Variants in CBFA2T2 observed in about 807,000 individuals in gnomAD.
CBFA2T2 encodes the protein CBFA2/RUNX1 partner transcriptional co-repressor 2.
CBFA2T2 carries 11 observed loss-of-function variants against 62.2 expected under a neutral mutation model. That is an observed-to-expected ratio of 0.18 (90% CI 0.11 to 0.29). CBFA2T2 has a LOEUF of 0.29. Ranked by LOEUF, CBFA2T2 falls within the 10% of genes least tolerant of loss-of-function variation. The pLI, the probability that CBFA2T2 is intolerant of heterozygous loss-of-function variation, is 1.00. For synonymous variants in CBFA2T2, 295 were observed against 287.5 expected (o/e 1.03, Z -0.27); for missense variants, 592 against 774.1 (o/e 0.76, Z 2.79).
chr20:33,504,388 T>A (rs1477889635), intron 1 of CBFA2T2, among the ~76,000 whole-genome samples: 1 of 151,140 alleles, frequency 6.6e-6, no homozygotes, highest in African/African-American at 2.4e-5. Context: ...GGTTCTATGA[T>A]AATTTCATAT....
rs373964050 is a variant in CBFA2T2 at position 33,567,577 on chromosome 20, C to CT, written c.35-39362dup. 7.0e-3 allele frequency among the ~76,000 whole-genome samples: 969 copies of CT among 138,972 alleles called. 8 individuals carry two copies. The highest frequency in any genetic ancestry group is 0.018 in the African/African-American group (685 of 38,002). 91.2% of individuals were successfully genotyped at this position (138,972 alleles called of 152,430 possible). ...TACTGTGCCTACTTTGTAAATTAAA[C>CT]TTTTTTTTTTTTTTTTTAATTTGAG... On this transcript the variant is annotated intron_variant, in intron 1 of 10. Coordinates refer to ENST00000342704, the MANE Select transcript of CBFA2T2 (RefSeq NM_001032999.3).
At chr20:33,620,290 A>G (rs1315263931) in intron 4 of CBFA2T2, among the ~76,000 whole-genome samples, 1 of 151,870 alleles carries the variant, frequency 6.6e-6, no homozygotes, top group Non-Finnish European at 1.5e-5. Flanking sequence ...GGTGGATTGC[A>G]TGAGCTCAGG....
chr20:33,490,662 C>G (rs1043910890), intron 1 of CBFA2T2, among the ~76,000 whole-genome samples: 1 of 152,190 alleles, frequency 6.6e-6, no homozygotes, highest in Non-Finnish European at 1.5e-5. Context: ...TACACCCGCC[C>G]GATGTTGAGG....
chr20:33,604,338 G>T (rs932709723), intron 1 of CBFA2T2, among the ~76,000 whole-genome samples: 1 of 152,124 alleles, frequency 6.6e-6, no homozygotes, highest in Non-Finnish European at 1.5e-5. Context: ...TTCCTGACAG[G>T]TAGGTCTTAC....
At chr20:33,545,632 A>C (rs2012542471) in intron 1 of CBFA2T2, among the ~76,000 whole-genome samples, 1 of 152,108 alleles carries the variant, frequency 6.6e-6, no homozygotes, top group African/African-American at 2.4e-5. Flanking sequence ...ATTTCACTAG[A>C]GATGGGCTTC....
chr20:33,490,294 CT>C lies in CBFA2T2; in HGVS notation c.29del (p.Phe10SerfsTer19). MVGVPGAAA[F>X]QLGPEKRVPA... ...TGGTAGGCGTCCCTGGAGCGGCCGC[CT>C]TCCAGCGTAAGTGGGGCGTGAATGC... On this transcript the variant is annotated frameshift_variant, in exon 1 of 11. Coordinates refer to ENST00000342704, the MANE Select transcript of CBFA2T2 (RefSeq NM_001032999.3). LOFTEE classifies it high-confidence loss of function. The C allele has an allele frequency of 7.8e-7, 1 of 1,275,514 alleles. No homozygotes were observed. Among genetic ancestry groups the C allele is most frequent in the Non-Finnish European group, 9.9e-7 (1 of 1,012,272 alleles). The allele number at this position is 1,275,514 out of a possible 1,614,324, so 79.0% of individuals were successfully genotyped here.
At position 33,516,197 on chromosome 20, in the gene CBFA2T2, T is replaced by C. The variant is rs116990728; in HGVS notation, c.34+25896T>C. Among the ~76,000 whole-genome samples, 5 of 152,218 alleles carry C rather than the reference T, an allele frequency of 3.3e-5. No homozygotes were observed. In the East Asian group the frequency reaches 9.6e-4, roughly 29 times the overall value. On this transcript the variant is annotated intron_variant, in intron 1 of 10. Transcript: ENST00000342704. ...TAAAAACTACAGCGTCAGACGGGCA[T>C]GGTGGCTCACACTTGTAGTCCCAGC...
rs142962754 is a variant in CBFA2T2 at position 33,574,736 on chromosome 20, T to C, written c.35-32220T>C. 4.8e-3 allele frequency among the ~76,000 whole-genome samples: 738 copies of C among 152,336 alleles called. 8 individuals are homozygous for C. The highest frequency in any genetic ancestry group is 0.016 in the African/African-American group (681 of 41,580). Reference sequence around the variant, plus strand: ...GCTTCTGGGCAAAAGAAGAATTTCATGGGGGTATTTTGAGATGAGTATGAT... The same window carrying C: ...GCTTCTGGGCAAAAGAAGAATTTCACGGGGGTATTTTGAGATGAGTATGAT... On this transcript the variant is annotated intron_variant, in intron 1 of 10. Coordinates refer to ENST00000342704, the MANE Select transcript of CBFA2T2 (RefSeq NM_001032999.3).
At chr20:33,519,429 A>G (rs961232650) in intron 1 of CBFA2T2, among the ~76,000 whole-genome samples, 1 of 152,152 alleles carries the variant, frequency 6.6e-6, no homozygotes, top group Non-Finnish European at 1.5e-5. Flanking sequence ...GAGATTGCTC[A>G]ACTGCACTCC....
chr20:33,587,477 A>G (rs2014424855), intron 1 of CBFA2T2, among the ~76,000 whole-genome samples: 1 of 151,158 alleles, frequency 6.6e-6, no homozygotes, highest in Non-Finnish European at 1.5e-5. Context: ...CGTGTTAGCC[A>G]GGATGGTCTT....
intron 8 of CBFA2T2, among the ~76,000 whole-genome samples, chr20:33,632,339 C>T (rs1258478775): frequency 6.6e-6 from 1 of 152,084 alleles, no homozygotes; most frequent in African/African-American, 2.4e-5. Flanking sequence ...CCACCATGCC[C>T]AGCCTGAAAT....
At chr20:33,603,196 T>C (rs1310674291) in intron 1 of CBFA2T2, among the ~76,000 whole-genome samples, 1 of 152,254 alleles carries the variant, frequency 6.6e-6, no homozygotes, top group African/African-American at 2.4e-5. Context: ...AGCTACAGGA[T>C]AGTTCTACTC....
chr20:33,532,801 A>G (rs76187493), intron 1 of CBFA2T2, among the ~76,000 whole-genome samples: 124 of 152,064 alleles, frequency 8.2e-4, no homozygotes, highest in Admixed American at 1.3e-3. Flanking sequence ...ACAAAATAGT[A>G]TATTTTGTAT....
At chr20:33,636,555 A>G (rs2016639219) in intron 8 of CBFA2T2, 85 bp from the exon 9 acceptor site, 1 of 959,158 alleles carries the variant, frequency 1.0e-6, no homozygotes, top group Admixed American at 2.0e-5. Context: ...TTTGAGTCTA[A>G]GTGGTGAATG....
intron 1 of CBFA2T2, among the ~76,000 whole-genome samples, chr20:33,594,534 C>T (rs1238094659): frequency 6.6e-6 from 1 of 151,998 alleles, no homozygotes; most frequent in Non-Finnish European, 1.5e-5. Flanking sequence ...GCTAGATTTC[C>T]TCTAGAAGGT....
At chr20:33,544,980 T>TAGAACAGAACAGAACAGAACAGAAC (rs1377815951) in intron 1 of CBFA2T2, among the ~76,000 whole-genome samples, 5 of 131,980 alleles carry the variant, frequency 3.8e-5, no homozygotes, top group African/African-American at 1.8e-4. Flanking sequence ...TAGAATAGAA[T>TAGAACAGAACAGAACAGAACAGAAC]AGAATAGAAT....
chr20:33,618,173 C>CTTTTTTTTTTTTTTTTTTTTTTTTTTT (rs58066954), intron 3 of CBFA2T2, among the ~76,000 whole-genome samples: 1 of 138,340 alleles, frequency 7.2e-6, no homozygotes, highest in Non-Finnish European at 1.6e-5. Flanking sequence ...ATATATTTTC[C>CTTTTTTTTTTTTTTTTTTTTTTTTTTT]TTTTTTTTTT....
chr20:33,538,753 C>A (rs932263906), intron 1 of CBFA2T2, among the ~76,000 whole-genome samples: 69 of 151,998 alleles, frequency 4.5e-4, no homozygotes, highest in African/African-American at 1.6e-3. Context: ...TACTTATTAT[C>A]AGTATTTTCT....
chr20:33,547,671 A>T (rs553640857), intron 1 of CBFA2T2, among the ~76,000 whole-genome samples: 1 of 148,498 alleles, frequency 6.7e-6, no homozygotes, highest in African/African-American at 2.5e-5. Flanking sequence ...ACAGAGCGAG[A>T]CCCTGTCTCA....
Sources: allele counts gnomAD v4.1 joint callset (sites outside exome capture counted in the v4.1 genomes callset), GRCh38; gene constraint gnomAD v4.1.1; transcripts MANE v1.5; gene names NCBI Gene and HGNC (gene_info 2026-07-23, HGNC 2026-07-21).